FMN2: variants seen among roughly 807,000 people sequenced by gnomAD.
FMN2 encodes the protein formin 2.
Under a neutral mutation model 142.3 loss-of-function variants are expected in FMN2, and 51 were observed. The observed-to-expected ratio is 0.36, with a 90% confidence interval of 0.29 to 0.45. FMN2 has a LOEUF of 0.45. Ranked by LOEUF, FMN2 falls within the 20% of genes least tolerant of loss-of-function variation. The pLI is 1.00. For missense variants in FMN2, 1,936 were observed against 2,122.8 expected, an observed-to-expected ratio of 0.91 and a Z score of 1.73; for synonymous variants, 882 against 869.8, an observed-to-expected ratio of 1.01 and a Z score of -0.25.
At chr1:240,472,893 C>A in intron 17 of FMN2, among the ~76,000 whole-genome samples, 1 of 141,162 alleles carries the variant, frequency 7.1e-6, no homozygotes, top group African/African-American at 2.7e-5. Context: ...TGCAGTGAGC[C>A]AAGATTGCAA....
In FMN2 at chr1:240,125,687, A is replaced by G. The variant is rs575583599; in HGVS notation, c.1782+2342A>G. Among the ~76,000 whole-genome samples, 271 of 152,324 alleles carry G rather than the reference A, an allele frequency of 1.8e-3. 1 individual carries two copies. Among genetic ancestry groups the G allele is most frequent in the African/African-American group, 6.1e-3 (253 of 41,568 alleles). ...CCAGTCGATAAATGTAGAATTGGATAAACAGAAAAGAATAGGGTAATCCTA... is the reference window on the plus strand; with the variant it reads ...CCAGTCGATAAATGTAGAATTGGATGAACAGAAAAGAATAGGGTAATCCTA... On this transcript the variant is annotated intron_variant, in intron 2 of 17. Transcript: ENST00000319653.
chr1:240,384,489 C>G (rs1030037798), intron 14 of FMN2, among the ~76,000 whole-genome samples: 1 of 152,028 alleles, frequency 6.6e-6, no homozygotes, highest in African/African-American at 2.4e-5. Flanking sequence ...CTTGACATCT[C>G]GAACTATGGT....
chr1:240,447,445 C>A (rs571781700), intron 16 of FMN2, among the ~76,000 whole-genome samples: 4 of 152,202 alleles, frequency 2.6e-5, no homozygotes, highest in East Asian at 3.9e-4. Context: ...AAAAGATATT[C>A]CACATTGTTA....
intron 2 of FMN2, among the ~76,000 whole-genome samples, chr1:240,124,798 A>C (rs149509706): frequency 6.6e-6 from 1 of 151,932 alleles, no homozygotes; most frequent in African/African-American, 2.4e-5. Context: ...CTCTTGAGTA[A>C]CTGGGATTAC....
intron 2 of FMN2, among the ~76,000 whole-genome samples, chr1:240,126,842 C>T (rs1338495079): frequency 6.6e-6 from 1 of 152,006 alleles, no homozygotes; most frequent in African/African-American, 2.4e-5. Context: ...TTTCAGAATG[C>T]ATAGGCTAAT....
rs536009996 is a variant in FMN2, at chr1:240,221,468, GTGA to G, written c.4065+10240_4065+10242del. On this transcript the variant is annotated intron_variant, in intron 6 of 17. Coordinates refer to ENST00000319653, the MANE Select transcript of FMN2 (RefSeq NM_020066.5). ...TTGATTTGCATTTCTCTAATGACCA[GTGA>G]TGATGAGCTTTTTTTCATATGTTTA... 5.0e-3 allele frequency among the ~76,000 whole-genome samples: 768 copies of G among 152,274 alleles called. 8 individuals carry two copies. The highest frequency in any genetic ancestry group is 0.018 in the African/African-American group (737 of 41,554).
intron 6 of FMN2, among the ~76,000 whole-genome samples, chr1:240,213,993 C>T (rs1666790433): frequency 6.6e-6 from 1 of 152,130 alleles, no homozygotes; most frequent in Non-Finnish European, 1.5e-5. Context: ...CTTGTATTTC[C>T]AAATCCTTTT....
chr1:240,434,616 C>T (rs1435996910), intron 15 of FMN2, among the ~76,000 whole-genome samples: 3 of 150,878 alleles, frequency 2.0e-5, no homozygotes. Context: ...GGCTGGAGTG[C>T]AGTGACGCTA....
At chr1:240,453,360 CTT>C (rs938150737) in intron 16 of FMN2, among the ~76,000 whole-genome samples, 1 of 152,102 alleles carries the variant, frequency 6.6e-6, no homozygotes, top group African/African-American at 2.4e-5. Flanking sequence ...GCCCTTTGAC[CTT>C]GGGCAGTTAT....
intron 15 of FMN2, among the ~76,000 whole-genome samples, chr1:240,422,448 T>C (rs565915299): frequency 2.0e-5 from 3 of 152,342 alleles, no homozygotes; most frequent in Non-Finnish European, 4.4e-5. Flanking sequence ...GTGGTTTTCC[T>C]CATATAGATC....
intron 14 of FMN2, among the ~76,000 whole-genome samples, chr1:240,371,477 T>G (rs192690927): frequency 7.9e-5 from 12 of 151,788 alleles, no homozygotes; most frequent in Non-Finnish European, 1.5e-4. Flanking sequence ...AATCTTCCAG[T>G]TTTTTTTGAA....
intron 2 of FMN2, among the ~76,000 whole-genome samples, chr1:240,131,943 A>T (rs1558311264): frequency 6.6e-6 from 1 of 152,190 alleles, no homozygotes; most frequent in Non-Finnish European, 1.5e-5. Context: ...TGGAGAATGG[A>T]TTGAAGAAAA....
chr1:240,113,282 G>A (rs1323125088), intron 1 of FMN2, among the ~76,000 whole-genome samples: 1 of 152,050 alleles, frequency 6.6e-6, no homozygotes, highest in Non-Finnish European at 1.5e-5. Context: ...GTAAGATTGT[G>A]GCCGGGCACG....
chr1:240,171,569 A>G (rs1664703320), intron 2 of FMN2, among the ~76,000 whole-genome samples: 1 of 152,214 alleles, frequency 6.6e-6, no homozygotes, highest in South Asian at 2.1e-4. Flanking sequence ...ATTTTCTTGC[A>G]TATGGAAGAA....
intron 8 of FMN2, among the ~76,000 whole-genome samples, chr1:240,306,682 CTATTGCAAATAGTGCTGTGA>C (rs1431819433): frequency 2.0e-5 from 3 of 152,182 alleles, no homozygotes; most frequent in Non-Finnish European, 4.4e-5. Context: ...CACGTCTTTG[CTATTGCAAATAGTGCTGTGA>C]TGAACATACG....
chr1:240,115,426 C>T (rs1661982807), intron 1 of FMN2, among the ~76,000 whole-genome samples: 1 of 152,068 alleles, frequency 6.6e-6, no homozygotes, highest in Non-Finnish European at 1.5e-5. Flanking sequence ...TGAATATTTA[C>T]CTAGAATAGC....
chr1:240,151,183 C>T (rs767010948), intron 2 of FMN2, among the ~76,000 whole-genome samples: 2 of 152,134 alleles, frequency 1.3e-5, no homozygotes, highest in East Asian at 1.9e-4. Context: ...AAGCACTGCA[C>T]GTGAAGGCCT....
intron 4 of FMN2, among the ~76,000 whole-genome samples, chr1:240,203,823 A>G (rs1383905311): frequency 1.3e-5 from 2 of 152,136 alleles, no homozygotes; most frequent in Non-Finnish European, 2.9e-5. Flanking sequence ...ATAAAATTAA[A>G]TAATAAAAAA....
chr1:240,246,612 C>T (rs1668092011), intron 6 of FMN2, among the ~76,000 whole-genome samples: 1 of 152,146 alleles, frequency 6.6e-6, no homozygotes, highest in Non-Finnish European at 1.5e-5. Context: ...TCGTTAGAAA[C>T]AAAGAACCTC....
Sources: gnomAD v4.1 joint callset for allele counts (sites outside exome capture counted in the v4.1 genomes callset) on GRCh38, gnomAD v4.1.1 for gene constraint, MANE v1.5 for transcripts, NCBI Gene and HGNC (gene_info 2026-07-23, HGNC 2026-07-21) for gene names.